Variants in GGACT observed in about 807,000 individuals in gnomAD.
GGACT encodes the protein gamma-glutamylamine cyclotransferase.
For synonymous variants in GGACT, 118 were observed against 115.3 expected, an observed-to-expected ratio of 1.02 and a Z score of -0.15; for missense variants, 241 against 233.2, an observed-to-expected ratio of 1.03 and a Z score of -0.22.
chr13:100,555,089 T>C (rs536317191), intron 2 of GGACT, among the ~76,000 whole-genome samples: 2 of 152,198 alleles, frequency 1.3e-5, no homozygotes, highest in Non-Finnish European at 2.9e-5. Flanking sequence ...GTGAAATCTA[T>C]TGAACACTTA....
intron 2 of GGACT, among the ~76,000 whole-genome samples, chr13:100,582,349 C>G (rs1875445637): frequency 6.6e-6 from 1 of 152,196 alleles, no homozygotes; most frequent in Non-Finnish European, 1.5e-5. Flanking sequence ...AAGGACTCAG[C>G]CACATTCACC....
chr13:100,582,824 G>C (rs1875457991), intron 2 of GGACT, among the ~76,000 whole-genome samples: 2 of 152,208 alleles, frequency 1.3e-5, no homozygotes. Flanking sequence ...GTCTGACACA[G>C]AAGTTGGTGC....
chr13:100,541,579 C>T (rs977953554), intron 2 of GGACT: 1 of 152,182 alleles, frequency 6.6e-6, no homozygotes, highest in African/African-American at 2.4e-5. Context: ...CTATAGTCTT[C>T]TCAAAAATAA....
chr13:100,578,403 G>A (rs4772309), intron 2 of GGACT, among the ~76,000 whole-genome samples: 150,604 of 152,374 alleles, frequency 0.99, 74,450 homozygotes, highest in Middle Eastern at 1. Context: ...GCCCAGATGG[G>A]AAGTGACACA....
At chr13:100,564,354 A>G (rs934759729) in intron 2 of GGACT, among the ~76,000 whole-genome samples, 11 of 152,186 alleles carry the variant, frequency 7.2e-5, no homozygotes, top group Admixed American at 6.5e-5. Context: ...TCATTTTCAC[A>G]GGTTTTCCTA....
intron 2 of GGACT, among the ~76,000 whole-genome samples, chr13:100,571,527 G>A (rs1177247561): frequency 3.9e-5 from 6 of 152,098 alleles, no homozygotes; most frequent in Non-Finnish European, 8.8e-5. Context: ...TGGCCAGGCT[G>A]GTTTCAAGCT....
intron 2 of GGACT, among the ~76,000 whole-genome samples, chr13:100,554,686 G>T (rs1231562655): frequency 6.6e-6 from 1 of 152,080 alleles, no homozygotes; most frequent in Admixed American, 6.5e-5. Context: ...ATCACGTCTG[G>T]AACATACTTT....
chr13:100,569,254 C>A (rs1566537352), intron 2 of GGACT, among the ~76,000 whole-genome samples: 1 of 152,248 alleles, frequency 6.6e-6, no homozygotes, highest in Non-Finnish European at 1.5e-5. Flanking sequence ...AGCAGAGGTT[C>A]TCTATGAGGG....
intron 2 of GGACT, among the ~76,000 whole-genome samples, chr13:100,565,847 T>C (rs2088805981): frequency 6.6e-6 from 1 of 152,056 alleles, no homozygotes; most frequent in African/African-American, 2.4e-5. Context: ...TTCCTGCCCC[T>C]CCAAGCATGG....
At chr13:100,548,174 C>T (rs2088625939) in intron 2 of GGACT, among the ~76,000 whole-genome samples, 2 of 152,250 alleles carry the variant, frequency 1.3e-5, no homozygotes, top group African/African-American at 4.8e-5. Flanking sequence ...GCAAGGGAGG[C>T]CTGGGAATGC....
intron 2 of GGACT, among the ~76,000 whole-genome samples, chr13:100,576,919 TTAA>T (rs1365217947): frequency 1.3e-5 from 2 of 152,150 alleles, no homozygotes; most frequent in East Asian, 1.9e-4. Flanking sequence ...TACTGTAAAC[TTAA>T]TAATAATGAA....
chr13:100,561,343 T>C (rs532981470), intron 2 of GGACT, among the ~76,000 whole-genome samples: 2 of 152,358 alleles, frequency 1.3e-5, no homozygotes, highest in Admixed American at 1.3e-4. Flanking sequence ...GAATTATTTC[T>C]CAATAAAGCA....
chr13:100,578,350 G>A lies in GGACT; in HGVS notation c.-11+5475C>T, dbSNP rs900206826. On this transcript the variant is annotated intron_variant, in intron 2 of 2. Transcript: ENST00000683975. ...ATGCCACCACTACACCGCAACCTGA[G>A]AGTCCAGAATGTGTCGCATTTGCGT... Among the ~76,000 whole-genome samples the A allele has an allele frequency of 4.6e-5, 7 of 152,332 alleles. No homozygotes were observed. In the South Asian group the frequency reaches 6.2e-4, roughly 14 times the overall value.
rs1222774272 is a variant in GGACT, at chr13:100,532,444, T to C, written c.148A>G (p.Ile50Val). The change falls in exon 3 of 3, where the codon ATC becomes GTC. Residue 50 changes from isoleucine to valine, a missense_variant. Coordinates refer to ENST00000683975, the MANE Select transcript of GGACT (RefSeq NM_001195087.2). The stretch of plus-strand genomic sequence containing the variant: ...CCGGGCAGGTGCAGCAGCCACGGGA[T>C]GTTGTGCTCCCCCGCGATCACCAAC... ...YPLVIAGEHN[I>V]PWLLHLPGSG... The C allele has an allele frequency of 1.3e-6, 2 of 1,549,754 alleles. No homozygotes were observed. The highest frequency in any genetic ancestry group is 2.7e-5 in the African/African-American group (2 of 73,034).
chr13:100,542,420 A>G (rs1208111989), intron 2 of GGACT, among the ~76,000 whole-genome samples: 2 of 152,256 alleles, frequency 1.3e-5, no homozygotes, highest in African/African-American at 2.4e-5. Flanking sequence ...AGCGTGTTCC[A>G]GCCTGCCACG....
At chr13:100,564,829 G>C (rs184559714) in intron 2 of GGACT, among the ~76,000 whole-genome samples, 33 of 152,216 alleles carry the variant, frequency 2.2e-4, no homozygotes, top group Non-Finnish European at 4.7e-4. Context: ...GGCAGGGGGC[G>C]GGGGGGCTGG....
intron 2 of GGACT, among the ~76,000 whole-genome samples, chr13:100,573,214 G>A (rs1282507386): frequency 6.6e-6 from 1 of 152,084 alleles, no homozygotes; most frequent in Non-Finnish European, 1.5e-5. Flanking sequence ...GAACGTCACT[G>A]TTTACTACAC....
At chr13:100,571,766 A>T (rs1185393398) in intron 2 of GGACT, among the ~76,000 whole-genome samples, 1 of 152,214 alleles carries the variant, frequency 6.6e-6, no homozygotes, top group African/African-American at 2.4e-5. Context: ...CACCTCAAAC[A>T]TTGATGTATG....
intron 2 of GGACT, chr13:100,540,036 T>C: frequency 7.8e-7 from 1 of 1,274,008 alleles, no homozygotes; most frequent in Non-Finnish European, 1.1e-6. Context: ...CACAGTAATG[T>C]AGCTTCACAT....
Sources: allele counts gnomAD v4.1 joint callset (sites outside exome capture counted in the v4.1 genomes callset), GRCh38; gene constraint gnomAD v4.1.1; transcripts MANE v1.5; gene names NCBI Gene and HGNC (gene_info 2026-07-23, HGNC 2026-07-21).